Variants in TWIST2 observed in about 807,000 individuals in gnomAD.
The protein encoded by TWIST2 is twist family bHLH transcription factor 2.
In TWIST2, 1 loss-of-function variant was observed where a neutral mutation model predicts 11.6. The observed-to-expected ratio is 0.09, with a 90% CI of 0.03 to 0.41. The LOEUF (loss-of-function observed/expected upper bound fraction) is 0.41, where lower values mean the gene tolerates loss of function less well. TWIST2 is among the 10% of genes least tolerant of loss of function. The probability of loss-of-function intolerance (pLI) is 0.98; values close to 1 mark genes in which losing one functional copy is unlikely to be tolerated. For missense variants in TWIST2, 168 were observed against 226.4 expected, an observed-to-expected ratio of 0.74 and a Z score of 1.66; for synonymous variants, 87 against 96.6, an observed-to-expected ratio of 0.90 and a Z score of 0.58.
Position 238,866,105 on chromosome 2 carries a change from C to T in TWIST2, c.*35+17372C>T, listed in dbSNP as rs1038941294. On this transcript the variant is annotated intron_variant, in intron 1 of 1. Coordinates refer to ENST00000612363, the MANE Select transcript of TWIST2 (RefSeq NM_001271893.4). This position sits in a 1 kb window ranked among gnomAD's most constrained non-coding sequence, Gnocchi z 4.9. Reference sequence around the variant, plus strand: ...CACTGCATCTGGTGTTACTGGGACCCACTGAATGTAGGTTCCTTTACCCCC... The same window carrying T: ...CACTGCATCTGGTGTTACTGGGACCTACTGAATGTAGGTTCCTTTACCCCC... 1.3e-5 allele frequency among the ~76,000 whole-genome samples: 2 copies of T among 152,206 alleles called. No homozygotes were observed. The highest frequency in any genetic ancestry group is 4.8e-5 in the African/African-American group (2 of 41,452).
At chr2:238,869,664 A>G (rs1040186622) in intron 1 of TWIST2, among the ~76,000 whole-genome samples, 3 of 152,228 alleles carry the variant, frequency 2.0e-5, no homozygotes, top group Admixed American at 1.3e-4. Context: ...GCTCACACCT[A>G]TGAGGTTGCC....
intron 1 of TWIST2, among the ~76,000 whole-genome samples, chr2:238,878,083 C>G (rs1257248926): frequency 6.6e-6 from 1 of 152,174 alleles, no homozygotes; most frequent in African/African-American, 2.4e-5. Context: ...AAAGGAATGA[C>G]CTGGAGGCTG....
At chr2:238,906,597 A>T (rs1693359288) in intron 1 of TWIST2, among the ~76,000 whole-genome samples, 1 of 151,172 alleles carries the variant, frequency 6.6e-6, no homozygotes. Flanking sequence ...ATGGACACAC[A>T]CTCACTCTGG....
chr2:238,906,383 C>T (rs1271397194), intron 1 of TWIST2, among the ~76,000 whole-genome samples: 1 of 151,896 alleles, frequency 6.6e-6, no homozygotes, highest in Non-Finnish European at 1.5e-5. Flanking sequence ...TACACACTTA[C>T]AAACATGCAC....
Position 238,863,478 on chromosome 2 carries a change from C to T in TWIST2, c.*35+14745C>T, listed in dbSNP as rs533821748. On this transcript the variant is annotated intron_variant, in intron 1 of 1. Coordinates refer to ENST00000612363, the MANE Select transcript of TWIST2 (RefSeq NM_001271893.4). This position sits in a 1 kb window ranked among gnomAD's most constrained non-coding sequence, Gnocchi z 4.7. ...ACGTCCTTTGGCAGTGAGGGCTGTGCGGTTTCAGCTCTCCTGGCTGGCCTT... is the reference window on the plus strand; with the variant it reads ...ACGTCCTTTGGCAGTGAGGGCTGTGTGGTTTCAGCTCTCCTGGCTGGCCTT... Among the ~76,000 whole-genome samples the T allele has an allele frequency of 5.9e-5, 9 of 152,312 alleles. No homozygotes were observed. The South Asian group carries it at 1.2e-3, about 21-fold the overall frequency.
chr2:238,861,215 C>T (rs36195241), intron 1 of TWIST2, among the ~76,000 whole-genome samples: 75,808 of 152,076 alleles, frequency 0.5, 22,466 homozygotes, highest in Non-Finnish European at 0.68. Context: ...CAGTCACCGC[C>T]GCAGGGGTTC....
At chr2:238,859,895 C>T (rs1288871765) in intron 1 of TWIST2, among the ~76,000 whole-genome samples, 9 of 152,236 alleles carry the variant, frequency 5.9e-5, no homozygotes, top group African/African-American at 2.2e-4. Context: ...CTTGAAGCCT[C>T]TCCACAGTAG....
chr2:238,891,235 A>G (rs1693126722), intron 1 of TWIST2, among the ~76,000 whole-genome samples: 1 of 152,200 alleles, frequency 6.6e-6, no homozygotes, highest in Non-Finnish European at 1.5e-5. Flanking sequence ...TAGATCAGCG[A>G]GGCCACCTTG....
intron 1 of TWIST2, among the ~76,000 whole-genome samples, chr2:238,875,231 A>AG (rs1213173712): frequency 6.6e-6 from 1 of 152,018 alleles, no homozygotes; most frequent in Non-Finnish European, 1.5e-5. Context: ...TGGTGGACCC[A>AG]GCTCTTTTCT....
At chr2:238,852,668 C>CACACAT (rs1553565885) in intron 1 of TWIST2, among the ~76,000 whole-genome samples, 10 of 141,434 alleles carry the variant, frequency 7.1e-5, no homozygotes, top group African/African-American at 2.2e-4. Context: ...CACACACACA[C>CACACAT]GCACATGCAC....
chr2:238,901,957 G>A (rs1384621179), intron 1 of TWIST2, among the ~76,000 whole-genome samples: 3 of 152,116 alleles, frequency 2.0e-5, no homozygotes, highest in Admixed American at 2.0e-4. Flanking sequence ...GCATGAACTG[G>A]GGGATGCCAG....
In TWIST2 at chr2:238,880,007, C is replaced by T. The variant is rs183738509; in HGVS notation, c.*36-29835C>T. On this transcript the variant is annotated intron_variant, in intron 1 of 1. Coordinates refer to ENST00000612363, the MANE Select transcript of TWIST2 (RefSeq NM_001271893.4). ...CCCTGCAGGCAGAGAGGGACCTTCA[C>T]GGGGCTCTGGGCTGCCAACATTGTA... Among the ~76,000 whole-genome samples, 627 of 152,306 alleles carry T rather than the reference C, an allele frequency of 4.1e-3. 2 individuals carry two copies. Among genetic ancestry groups the T allele is most frequent in the African/African-American group, 5.6e-3 (233 of 41,578 alleles).
chr2:238,874,707 A>T (rs1692772002), intron 1 of TWIST2, among the ~76,000 whole-genome samples: 1 of 152,210 alleles, frequency 6.6e-6, no homozygotes, highest in Non-Finnish European at 1.5e-5. Context: ...TTCTTGGAGA[A>T]TCTACAGGGG....
chr2:238,899,151 G>A (rs1693240990), intron 1 of TWIST2, among the ~76,000 whole-genome samples: 1 of 152,246 alleles, frequency 6.6e-6, no homozygotes, highest in East Asian at 1.9e-4. Context: ...TGTGACCGCT[G>A]GCCACGGGAG....
At chr2:238,870,569 CA>C (rs1559274186) in intron 1 of TWIST2, among the ~76,000 whole-genome samples, 177 of 12,004 alleles carry the variant, frequency 0.015, 5 homozygotes, top group African/African-American at 0.04. Flanking sequence ...CACCACACAC[CA>C]CACACCACAC....
Position 238,864,923 on chromosome 2 carries a change from C to T in TWIST2, c.*35+16190C>T, listed in dbSNP as rs1388208776. 3.3e-5 allele frequency among the ~76,000 whole-genome samples: 5 copies of T among 152,090 alleles called. No homozygotes were observed. The highest frequency in any genetic ancestry group is 2.1e-4 in the South Asian group (1 of 4,822). ...GAGCAGAGAGCTCCGGAAGGCCTGCCGGGAGGACCTGGAGGATGCATCTAC... is the reference window on the plus strand; with the variant it reads ...GAGCAGAGAGCTCCGGAAGGCCTGCTGGGAGGACCTGGAGGATGCATCTAC... On this transcript the variant is annotated intron_variant, in intron 1 of 1. Coordinates refer to ENST00000612363, the MANE Select transcript of TWIST2 (RefSeq NM_001271893.4). This position sits in a 1 kb window ranked among gnomAD's most constrained non-coding sequence, Gnocchi z 4.7.
intron 1 of TWIST2, among the ~76,000 whole-genome samples, chr2:238,881,953 T>A (rs1692943940): frequency 6.6e-6 from 1 of 152,120 alleles, no homozygotes; most frequent in South Asian, 2.1e-4. Context: ...CTGGTTTTTC[T>A]CTTCCTGTCT....
intron 1 of TWIST2, among the ~76,000 whole-genome samples, chr2:238,907,250 C>T (rs1266185694): frequency 6.6e-6 from 1 of 152,212 alleles, no homozygotes. Flanking sequence ...ACTGAGGTGG[C>T]CCAAGACCTT....
intron 1 of TWIST2, among the ~76,000 whole-genome samples, chr2:238,872,314 G>A (rs559395479): frequency 6.6e-6 from 1 of 152,306 alleles, no homozygotes; most frequent in Admixed American, 6.5e-5. Context: ...GCCAGGATGA[G>A]GGCCATGCCA....
Sources: allele counts gnomAD v4.1 joint callset (sites outside exome capture counted in the v4.1 genomes callset), GRCh38; gene constraint gnomAD v4.1.1; non-coding constraint Gnocchi (gnomAD v3.1); transcripts MANE v1.5; gene names NCBI Gene and HGNC (gene_info 2026-07-23, HGNC 2026-07-21).